Variants in EXT1 observed in about 807,000 individuals in gnomAD.
The protein encoded by EXT1 is exostosin glycosyltransferase 1.
Under a neutral mutation model 82.5 loss-of-function variants are expected in EXT1, and 20 were observed. The observed-to-expected ratio is 0.24, with a 90% CI of 0.17 to 0.35. The LOEUF (loss-of-function observed/expected upper bound fraction) is 0.35. EXT1 is among the 10% of genes least tolerant of loss of function. EXT1 has a pLI of 1.00. For missense variants in EXT1, 757 were observed against 936.5 expected (o/e 0.81, Z 2.50); for synonymous variants, 348 against 350.8 (o/e 0.99, Z 0.09).
At chr8:117,856,422 ATTT>A (rs951647677) in intron 1 of EXT1, among the ~76,000 whole-genome samples, 6 of 83,760 alleles carry the variant, frequency 7.2e-5, no homozygotes, top group Admixed American at 2.4e-4. Context: ...GCCTGGCTAA[ATTT>A]TTTTTTTTTT....
Position 118,110,940 on chromosome 8 carries a change from C to T in EXT1, c.107G>A (p.Arg36Gln), listed in dbSNP as rs746188012. ...ATTCCTACCGCTGTGTTCTTCTCTC[C>T]GGCTGTGGCTCCTCGATGCCCTAAA... ...LQFRASRSHSRREEHSGRNGL... is the reference protein window; with the variant it reads ...LQFRASRSHSQREEHSGRNGL... Residue 36 changes from arginine (R) to glutamine (Q), a missense_variant, in exon 1 of 11, where the codon CGG (arginine) becomes CAG (glutamine). Transcript: ENST00000378204. 3.7e-6 allele frequency: 6 copies of T among 1,613,548 alleles called. No individual in the cohort carries two copies. Among genetic ancestry groups the T allele is most frequent in the African/African-American group, 2.7e-5 (2 of 74,890 alleles).
At chr8:118,028,844 C>T (rs1311401588) in intron 1 of EXT1, among the ~76,000 whole-genome samples, 1 of 152,056 alleles carries the variant, frequency 6.6e-6, no homozygotes, top group African/African-American at 2.4e-5. Context: ...ATCGCTTGAA[C>T]CTGGGAGGCA....
chr8:117,870,850 A>ACACACAC (rs1563586222), intron 1 of EXT1, among the ~76,000 whole-genome samples: 17 of 89,666 alleles, frequency 1.9e-4, no homozygotes, highest in Admixed American at 1.0e-3. Context: ...CACACACACA[A>ACACACAC]AAGATTGAAG....
chr8:117,806,893 G>T (rs573000780), intron 9 of EXT1, among the ~76,000 whole-genome samples: 19 of 152,346 alleles, frequency 1.2e-4, no homozygotes, highest in Admixed American at 3.3e-4. Context: ...CAAGCACCTA[G>T]AACAGTGCCC....
intron 1 of EXT1, among the ~76,000 whole-genome samples, chr8:118,105,738 A>G (rs1164616957): frequency 6.6e-6 from 1 of 152,198 alleles, no homozygotes; most frequent in Non-Finnish European, 1.5e-5. Context: ...AATATTTTAC[A>G]TTTAAAACCC....
chr8:117,876,631 T>C (rs369907340), intron 1 of EXT1, among the ~76,000 whole-genome samples: 1 of 152,144 alleles, frequency 6.6e-6, no homozygotes, highest in East Asian at 1.9e-4. Flanking sequence ...ATAATGATAA[T>C]AAATGGGAGA....
intron 1 of EXT1, among the ~76,000 whole-genome samples, chr8:118,108,695 T>C (rs1008358241): frequency 9.9e-5 from 15 of 152,188 alleles, no homozygotes; most frequent in Non-Finnish European, 4.4e-5. Flanking sequence ...TCACTCTCTA[T>C]GATCAAGTCT....
intron 1 of EXT1, among the ~76,000 whole-genome samples, chr8:117,990,828 G>T (rs751378859): frequency 1.4e-4 from 22 of 152,172 alleles, no homozygotes; most frequent in Non-Finnish European, 2.8e-4. Flanking sequence ...CACTACAGAG[G>T]ACCCTTACAT....
chr8:118,051,393 T>C (rs537324921), intron 1 of EXT1, among the ~76,000 whole-genome samples: 13 of 152,304 alleles, frequency 8.5e-5, no homozygotes, highest in African/African-American at 2.9e-4. Flanking sequence ...TATTAGCATA[T>C]GATTTTGAAA....
At chr8:117,806,423 C>T (rs1230378809) in intron 9 of EXT1, among the ~76,000 whole-genome samples, 2 of 152,146 alleles carry the variant, frequency 1.3e-5, no homozygotes, top group African/African-American at 2.4e-5. Flanking sequence ...ACATGTCACA[C>T]CCTGTTCAAA....
intron 1 of EXT1, among the ~76,000 whole-genome samples, chr8:117,882,305 A>G (rs1258626239): frequency 6.6e-6 from 1 of 151,954 alleles, no homozygotes; most frequent in African/African-American, 2.4e-5. Context: ...CTGGTCTCGA[A>G]CTCCTGACCT....
chr8:118,087,496 T>C (rs1446695379), intron 1 of EXT1, among the ~76,000 whole-genome samples: 1 of 152,178 alleles, frequency 6.6e-6, no homozygotes, highest in African/African-American at 2.4e-5. Context: ...GGTTTTAGAA[T>C]CCACAGAGTG....
chr8:117,939,543 T>C (rs1166788367), intron 1 of EXT1, among the ~76,000 whole-genome samples: 2 of 138,074 alleles, frequency 1.4e-5, no homozygotes, highest in Non-Finnish European at 3.0e-5. Context: ...CACTCCAGCC[T>C]GGGCAACAAG....
At chr8:118,033,483 G>GCATT (rs1040911047) in intron 1 of EXT1, among the ~76,000 whole-genome samples, 1 of 152,098 alleles carries the variant, frequency 6.6e-6, no homozygotes, top group Admixed American at 6.6e-5. Flanking sequence ...ATTCATTCAT[G>GCATT]CATTCATTCA....
chr8:118,059,238 T>A (rs1484597673), intron 1 of EXT1, among the ~76,000 whole-genome samples: 3 of 152,254 alleles, frequency 2.0e-5, no homozygotes, highest in Admixed American at 2.0e-4. Flanking sequence ...AAGGATGTTG[T>A]CCTTATTTGT....
intron 1 of EXT1, among the ~76,000 whole-genome samples, chr8:117,843,592 T>C (rs1812306605): frequency 1.3e-5 from 2 of 152,090 alleles, no homozygotes; most frequent in African/African-American, 4.8e-5. Flanking sequence ...TGGGCTGCTG[T>C]TACTGGTGGG....
Position 117,795,729 on chromosome 8 carries a change from G to C in EXT1, c.*3983C>G, listed in dbSNP as rs907230306. On this transcript the variant is annotated 3_prime_UTR_variant, in exon 11 of 11. Transcript: ENST00000378204. Reference sequence around the variant, plus strand: ...GGAGAATTGCTTGAACCGGGGAGGCGGAGGTTGCAGTGACTGAGCTGAGAT... The same window carrying C: ...GGAGAATTGCTTGAACCGGGGAGGCCGAGGTTGCAGTGACTGAGCTGAGAT... 1.3e-5 allele frequency: 2 copies of C among 152,016 alleles called. No homozygotes were observed. Among genetic ancestry groups the C allele is most frequent in the Non-Finnish European group, 2.9e-5 (2 of 68,090 alleles). 9.4% of individuals were successfully genotyped at this position (152,016 alleles called of 1,614,324 possible). A position where few individuals can be genotyped will look rare whatever the true frequency, so the allele number is the denominator to read the frequency against.
chr8:117,947,537 A>G (rs963054330), intron 1 of EXT1, among the ~76,000 whole-genome samples: 1 of 152,102 alleles, frequency 6.6e-6, no homozygotes, highest in African/African-American at 2.4e-5. Context: ...TTTCACCACA[A>G]TCTCCTGAGG....
chr8:118,008,446 A>G (rs1563628046), intron 1 of EXT1, among the ~76,000 whole-genome samples: 1 of 151,976 alleles, frequency 6.6e-6, no homozygotes, highest in Admixed American at 6.6e-5. Flanking sequence ...TTTTTAGTAA[A>G]GACAGGGTTT....
Sources: allele counts gnomAD v4.1 joint callset (sites outside exome capture counted in the v4.1 genomes callset), GRCh38; gene constraint gnomAD v4.1.1; transcripts MANE v1.5; gene names NCBI Gene and HGNC (gene_info 2026-07-23, HGNC 2026-07-21).